RNASEH1: variants seen among roughly 807,000 people sequenced by gnomAD.
The protein encoded by RNASEH1 is ribonuclease H1.
Under a neutral mutation model 34.6 loss-of-function variants are expected in RNASEH1, and 27 were observed. The ratio of observed to expected loss-of-function variants is 0.78; its 90% CI spans 0.58 to 1.08. RNASEH1 has a LOEUF of 1.08. Ranked by LOEUF, RNASEH1 falls within the 50% of genes least tolerant of loss-of-function variation. RNASEH1 has a pLI of 0.00. For synonymous variants in RNASEH1, 162 were observed against 138.4 expected (o/e 1.17, Z -1.20); for missense variants, 349 against 373.6 (o/e 0.93, Z 0.54).
At chr2:3,532,688 C>T in the RNASEH1 span, among the ~76,000 whole-genome samples, 2 of 152,166 alleles carry the variant, frequency 1.3e-5, no homozygotes, top group East Asian at 1.9e-4. Flanking sequence ...CATCATCTGA[C>T]GAGGCCCCTG....
chr2:3,534,774 G>A, the RNASEH1 span, among the ~76,000 whole-genome samples: 2 of 152,214 alleles, frequency 1.3e-5, no homozygotes, highest in African/African-American at 2.4e-5. Flanking sequence ...TGGTGAAGTG[G>A]CACAGAAAAA....
the RNASEH1 span, chr2:3,533,907 G>C: frequency 2.0e-5 from 3 of 152,284 alleles, no homozygotes; most frequent in South Asian, 2.1e-4. Context: ...AGTGAAGCCC[G>C]ACCTTCAAGC....
chr2:3,557,991 G>C, intron 1 of RNASEH1, 142 bp downstream of exon 1: 4 of 1,488,248 alleles, frequency 2.7e-6, no homozygotes, highest in Non-Finnish European at 2.7e-6. Context: ...GCAGGAAAAC[G>C]AGGCGGTCCC....
chr2:3,552,048 C>G, intron 3 of RNASEH1, 96 bp downstream of exon 3: 1 of 919,006 alleles, frequency 1.1e-6, no homozygotes, highest in African/African-American at 1.7e-5. Context: ...ATGATAAACA[C>G]CAGCTCAAAC....
intron 6 of RNASEH1, among the ~76,000 whole-genome samples, chr2:3,548,432 C>A (rs1472129203): frequency 4.6e-5 from 7 of 152,234 alleles, no homozygotes; most frequent in Non-Finnish European, 1.0e-4. Context: ...CTTCTGACTG[C>A]ATCTCCAGTG....
At chr2:3,532,122 T>C in the RNASEH1 span, 1 of 628,722 alleles carries the variant, frequency 1.6e-6, no homozygotes, top group Non-Finnish European at 2.9e-6. Flanking sequence ...AGGGGAGTTT[T>C]GGGGAATGGA....
intron 1 of RNASEH1, chr2:3,557,633 A>C (rs1185720028): frequency 2.8e-6 from 1 of 363,578 alleles, no homozygotes; most frequent in Non-Finnish European, 5.6e-6. Context: ...GAACTTCCTG[A>C]CCCCAAGAAC....
chr2:3,542,923 T>G lies in RNASEH1; in HGVS notation c.*2862A>C, dbSNP rs150352695. 6.6e-6 allele frequency among the ~76,000 whole-genome samples: 1 copy of G among 152,190 alleles called. No homozygotes were observed. The highest frequency in any genetic ancestry group is 1.5e-5 in the Non-Finnish European group (1 of 68,036). ...GCTCCGTCCAAAAATCTAGAAATAATGACCAACGCAATAGCAATGAGCATC... is the reference window on the plus strand; with the variant it reads ...GCTCCGTCCAAAAATCTAGAAATAAGGACCAACGCAATAGCAATGAGCATC... On this transcript the variant is annotated 3_prime_UTR_variant, in exon 8 of 8. Coordinates refer to ENST00000315212, the MANE Select transcript of RNASEH1 (RefSeq NM_002936.6).
At chr2:3,550,340 T>C (rs369707051) in intron 4 of RNASEH1, 33 bp downstream of exon 4, 4 of 1,497,926 alleles carry the variant, frequency 2.7e-6, no homozygotes, top group Middle Eastern at 1.9e-4. Flanking sequence ...TTGTGGAACA[T>C]GATTCAGTAA....
At chr2:3,532,623 A>G in the RNASEH1 span, among the ~76,000 whole-genome samples, 1 of 152,172 alleles carries the variant, frequency 6.6e-6, no homozygotes, top group Non-Finnish European at 1.5e-5. Flanking sequence ...ACTGTCACAC[A>G]ATGGTAAGGA....
At chr2:3,546,577 T>C (rs1391195196) in intron 7 of RNASEH1, among the ~76,000 whole-genome samples, 1 of 152,212 alleles carries the variant, frequency 6.6e-6, no homozygotes, top group Non-Finnish European at 1.5e-5. Flanking sequence ...GTCATAGTAA[T>C]GCCATGTGCC....
intron 2 of RNASEH1, 58 bp from the exon 3 acceptor site, chr2:3,552,366 G>A (rs1186975065): frequency 6.7e-7 from 1 of 1,493,032 alleles, no homozygotes; most frequent in Middle Eastern, 1.7e-4. Flanking sequence ...CGAAATGCTA[G>A]AGAATGAAGA....
chr2:3,535,740 G>A, the RNASEH1 span, among the ~76,000 whole-genome samples: 5 of 152,222 alleles, frequency 3.3e-5, no homozygotes, highest in South Asian at 2.1e-4. Flanking sequence ...CAGCAGCGAC[G>A]TGATCTGACA....
intron 4 of RNASEH1, 177 bp downstream of exon 4, chr2:3,550,196 C>G (rs551972541): frequency 3.5e-6 from 2 of 572,888 alleles, no homozygotes; most frequent in Non-Finnish European, 6.3e-6. Flanking sequence ...AGGTACCTCA[C>G]GTTCTGAAAA....
chr2:3,536,288 G>T, the RNASEH1 span, among the ~76,000 whole-genome samples: 1 of 152,214 alleles, frequency 6.6e-6, no homozygotes, highest in East Asian at 1.9e-4. Flanking sequence ...AGAGTCAGAG[G>T]AGCTGACTCG....
At chr2:3,550,529 C>T in intron 3 of RNASEH1, 57 bp from the exon 4 acceptor site, 1 of 1,305,832 alleles carries the variant, frequency 7.7e-7, no homozygotes, top group Non-Finnish European at 1.1e-6. Context: ...CTGAAATTCA[C>T]CTCAAAAATC....
chr2:3,549,366 T>C (rs911739943), intron 4 of RNASEH1, among the ~76,000 whole-genome samples: 6 of 152,136 alleles, frequency 3.9e-5, no homozygotes, highest in African/African-American at 7.2e-5. Flanking sequence ...TTAGGCCCTA[T>C]GGCTGCAGCA....
At chr2:3,534,023 A>G in the RNASEH1 span, 1 of 152,262 alleles carries the variant, frequency 6.6e-6, no homozygotes, top group African/African-American at 2.4e-5. Context: ...CCATGGGCCA[A>G]TCAGCACACA....
intron 3 of RNASEH1, among the ~76,000 whole-genome samples, chr2:3,551,028 CG>C (rs1417676517): frequency 6.6e-6 from 1 of 152,194 alleles, no homozygotes; most frequent in Non-Finnish European, 1.5e-5. Context: ...AAAGGACTGA[CG>C]GGGGCATTCT....
Sources: gnomAD v4.1 joint callset for allele counts (sites outside exome capture counted in the v4.1 genomes callset) on GRCh38, gnomAD v4.1.1 for gene constraint, MANE v1.5 for transcripts, NCBI Gene and HGNC (gene_info 2026-07-23, HGNC 2026-07-21) for gene names.